Variants in TSHZ2 observed in about 807,000 individuals in gnomAD.
TSHZ2 encodes the protein teashirt homolog 2.
A neutral mutation model predicts 74.4 loss-of-function variants in TSHZ2; 21 were observed. That is an observed-to-expected ratio of 0.28 (90% confidence interval 0.20 to 0.41). The LOEUF (loss-of-function observed/expected upper bound fraction) is 0.41, where lower values mean the gene tolerates loss of function less well. Ranked by LOEUF, TSHZ2 falls within the 10% of genes least tolerant of loss-of-function variation. The pLI, the probability that TSHZ2 is intolerant of heterozygous loss-of-function variation, is 1.00. For synonymous variants in TSHZ2, 540 were observed against 515.3 expected, an observed-to-expected ratio of 1.05 and a Z score of -0.65; for missense variants, 1,244 against 1,293.5, an observed-to-expected ratio of 0.96 and a Z score of 0.59.
chr20:53,224,023 G>A (rs557603010), intron 1 of TSHZ2, among the ~76,000 whole-genome samples: 122 of 152,208 alleles, frequency 8.0e-4, no homozygotes, highest in African/African-American at 2.7e-3. Flanking sequence ...CTTTGATTAT[G>A]CAAGATGTTA....
chr20:53,215,982 A>G (rs1261313276), intron 1 of TSHZ2, among the ~76,000 whole-genome samples: 2 of 151,966 alleles, frequency 1.3e-5, no homozygotes, highest in African/African-American at 4.8e-5. Flanking sequence ...TTTTCCCCTA[A>G]GGCCAAACAC....
At chr20:53,311,867 A>T (rs1978804176) in intron 2 of TSHZ2, among the ~76,000 whole-genome samples, 1 of 152,138 alleles carries the variant, frequency 6.6e-6, no homozygotes, top group Non-Finnish European at 1.5e-5. Flanking sequence ...TGATCACTTA[A>T]ACCCAAGAGT....
chr20:53,121,131 T>C (rs2123350839), intron 1 of TSHZ2, among the ~76,000 whole-genome samples: 1 of 152,328 alleles, frequency 6.6e-6, no homozygotes, highest in East Asian at 1.9e-4. Context: ...TTAAAAATGC[T>C]TCAGACAGAC....
At chr20:53,033,651 C>CTTTTT (rs61445726) in intron 1 of TSHZ2, among the ~76,000 whole-genome samples, 685 of 59,018 alleles carry the variant, frequency 0.012, 75 homozygotes, top group Non-Finnish European at 0.013. Context: ...TGATAAAAAG[C>CTTTTT]TTTTTTTTTT....
chr20:53,011,692 T>G (rs1273742960), intron 1 of TSHZ2, among the ~76,000 whole-genome samples: 1 of 152,194 alleles, frequency 6.6e-6, no homozygotes, highest in Non-Finnish European at 1.5e-5. Context: ...AACAGATGGC[T>G]GAATGACCAT....
chr20:53,204,645 A>G (rs1989119346), intron 1 of TSHZ2, among the ~76,000 whole-genome samples: 1 of 152,052 alleles, frequency 6.6e-6, no homozygotes, highest in African/African-American at 2.4e-5. Flanking sequence ...ATAATCACAG[A>G]CACCATTTAC....
chr20:53,122,195 G>A (rs1351393527), intron 1 of TSHZ2, among the ~76,000 whole-genome samples: 3 of 151,650 alleles, frequency 2.0e-5, no homozygotes, highest in African/African-American at 7.3e-5. Context: ...GGCTAAGGTG[G>A]GAGGGTCGAT....
chr20:53,141,284 C>T (rs1475111390), intron 1 of TSHZ2, among the ~76,000 whole-genome samples: 1 of 152,188 alleles, frequency 6.6e-6, no homozygotes. Flanking sequence ...GGCCCTTTTT[C>T]AGACTGGCGA....
intron 1 of TSHZ2, among the ~76,000 whole-genome samples, chr20:53,038,732 A>C (rs182869476): frequency 5.9e-4 from 90 of 152,290 alleles, no homozygotes; most frequent in Admixed American, 2.2e-3. Flanking sequence ...AGGTGTGAAT[A>C]AAAGAGCATC....
At chr20:53,040,834 G>A (rs1346832111) in intron 1 of TSHZ2, among the ~76,000 whole-genome samples, 4 of 152,134 alleles carry the variant, frequency 2.6e-5, no homozygotes, top group African/African-American at 9.7e-5. Context: ...CTTAGGCGCA[G>A]CATTTGCTCC....
chr20:53,043,352 A>G (rs1408248607), intron 1 of TSHZ2, among the ~76,000 whole-genome samples: 1 of 152,150 alleles, frequency 6.6e-6, no homozygotes, highest in Non-Finnish European at 1.5e-5. Context: ...GTCACAACTC[A>G]GGGAGTGGGG....
At chr20:53,057,890 G>A (rs1344653226) in intron 1 of TSHZ2, among the ~76,000 whole-genome samples, 5 of 152,210 alleles carry the variant, frequency 3.3e-5, no homozygotes, top group African/African-American at 4.8e-5. Context: ...ATGGGGTCAG[G>A]AAAGGGCATG....
At chr20:53,006,885 G>A (rs1230356010) in intron 1 of TSHZ2, among the ~76,000 whole-genome samples, 1 of 151,598 alleles carries the variant, frequency 6.6e-6, no homozygotes, top group Non-Finnish European at 1.5e-5. Flanking sequence ...AATAAAAATA[G>A]GACTTTTCTG....
intron 2 of TSHZ2, among the ~76,000 whole-genome samples, chr20:53,324,011 G>A (rs899770422): frequency 9.2e-5 from 14 of 152,248 alleles, no homozygotes; most frequent in African/African-American, 3.1e-4. Flanking sequence ...CTCTCTGGAC[G>A]CCCTGTTCAT....
chr20:52,989,077 A>C (rs750558781), intron 1 of TSHZ2, among the ~76,000 whole-genome samples: 1 of 151,882 alleles, frequency 6.6e-6, no homozygotes, highest in African/African-American at 2.4e-5. Flanking sequence ...AAATAATAGG[A>C]TAAGAAAGGT....
chr20:53,301,032 G>T (rs533557070), intron 2 of TSHZ2, among the ~76,000 whole-genome samples: 1 of 151,756 alleles, frequency 6.6e-6, no homozygotes, highest in Non-Finnish European at 1.5e-5. Context: ...GCAAGATCTC[G>T]GCTCACTGCA....
At position 53,254,625 on chromosome 20, in the gene TSHZ2, T is replaced by C; in HGVS notation, c.1167T>C (p.His389=). Residue 389 remains histidine, a synonymous_variant, in exon 2 of 3, where the codon CAT becomes CAC. Coordinates refer to ENST00000371497, the MANE Select transcript of TSHZ2 (RefSeq NM_173485.6). ...AGTGCATGGAGTGTGGGAGCTCCCA[T>C]GACACCTTGCAGCAGCTCACCACCC... ...ILKCMECGSS[H]DTLQQLTTHM... is the part of the protein sequence containing the mutation. 1 of 1,613,976 alleles carries C rather than the reference T, an allele frequency of 6.2e-7. No homozygotes were observed. The highest frequency in any genetic ancestry group is 8.5e-7 in the Non-Finnish European group (1 of 1,179,868).
chr20:53,110,705 G>A (rs1000028262), intron 1 of TSHZ2, among the ~76,000 whole-genome samples: 13 of 152,032 alleles, frequency 8.6e-5, no homozygotes, highest in Non-Finnish European at 1.9e-4. Context: ...AACAGCCATG[G>A]CAGAGAAAAG....
intron 2 of TSHZ2, among the ~76,000 whole-genome samples, chr20:53,351,046 G>C (rs1980626660): frequency 6.6e-6 from 1 of 152,128 alleles, no homozygotes; most frequent in Admixed American, 6.5e-5. Flanking sequence ...TTTTTCCTCT[G>C]TCAATCTAAA....
Sources: allele counts gnomAD v4.1 joint callset (sites outside exome capture counted in the v4.1 genomes callset), GRCh38; gene constraint gnomAD v4.1.1; transcripts MANE v1.5; gene names NCBI Gene and HGNC (gene_info 2026-07-23, HGNC 2026-07-21).